The following NPAS3 variants were observed in gnomAD, a reference collection of about 807,000 sequenced individuals.
NPAS3 encodes the protein neuronal PAS domain-containing protein 3.
A neutral mutation model predicts 73.1 loss-of-function variants in NPAS3; 14 were observed. The observed-to-expected ratio is 0.19, with a 90% CI of 0.13 to 0.30. NPAS3 has a LOEUF of 0.30. Ranked by LOEUF, NPAS3 falls within the 10% of genes least tolerant of loss-of-function variation. The probability of loss-of-function intolerance (pLI) is 1.00; values close to 1 mark genes in which losing one functional copy is unlikely to be tolerated. For missense variants in NPAS3, 1,096 were observed against 1,250.0 expected (o/e 0.88, Z 1.86); for synonymous variants, 620 against 541.5 (o/e 1.14, Z -2.01).
At chr14:33,187,610 T>C (rs527796465) in intron 2 of NPAS3, among the ~76,000 whole-genome samples, 9 of 152,276 alleles carry the variant, frequency 5.9e-5, no homozygotes, top group Admixed American at 3.9e-4. Context: ...GACAGGTTGA[T>C]TGTTGAAGCC....
chr14:32,979,436 G>A (rs917299607), intron 1 of NPAS3, among the ~76,000 whole-genome samples: 2 of 152,086 alleles, frequency 1.3e-5, no homozygotes, highest in African/African-American at 2.4e-5. Flanking sequence ...ATCCTTTGTG[G>A]TAGGTAGCAG....
chr14:33,259,076 G>A (rs1326591796), intron 3 of NPAS3, among the ~76,000 whole-genome samples: 1 of 152,216 alleles, frequency 6.6e-6, no homozygotes, highest in East Asian at 1.9e-4. Context: ...GCCTTCCAAA[G>A]TGCTGGGATT....
At chr14:33,271,708 A>G (rs1293337222) in intron 3 of NPAS3, among the ~76,000 whole-genome samples, 2 of 152,172 alleles carry the variant, frequency 1.3e-5, no homozygotes, top group Non-Finnish European at 2.9e-5. Context: ...TTCCACACTT[A>G]CTAGAGCAGT....
chr14:33,004,438 T>C (rs1263984114), intron 1 of NPAS3, among the ~76,000 whole-genome samples: 1 of 152,000 alleles, frequency 6.6e-6, no homozygotes, highest in Non-Finnish European at 1.5e-5. Context: ...CCAGTAAAAA[T>C]ACAGAAAAAA....
chr14:33,425,420 G>A (rs1316524533), intron 4 of NPAS3, among the ~76,000 whole-genome samples: 1 of 151,860 alleles, frequency 6.6e-6, no homozygotes, highest in African/African-American at 2.4e-5. Flanking sequence ...AACTAGTGGT[G>A]GCTTTATTAA....
chr14:33,529,541 T>C (rs2145802), intron 4 of NPAS3, among the ~76,000 whole-genome samples: 149,771 of 152,228 alleles, frequency 0.98, 73,681 homozygotes, highest in East Asian at 1. Context: ...CACCATCCTA[T>C]ATTTGTAGTG....
chr14:32,938,525 A>AAG (rs2035799576), upstream of NPAS3, among the ~76,000 whole-genome samples: 1 of 66,244 alleles, frequency 1.5e-5, no homozygotes, highest in South Asian at 5.6e-4. Context: ...GAGAGAGAGA[A>AAG]GGGGGGGGAG....
At chr14:33,012,379 T>A (rs1173614740) in intron 1 of NPAS3, among the ~76,000 whole-genome samples, 1 of 152,212 alleles carries the variant, frequency 6.6e-6, no homozygotes, top group African/African-American at 2.4e-5. Flanking sequence ...CATGTATTGG[T>A]GGATGTAACC....
intron 4 of NPAS3, among the ~76,000 whole-genome samples, chr14:33,469,210 T>G (rs916508486): frequency 6.6e-6 from 1 of 152,068 alleles, no homozygotes; most frequent in Non-Finnish European, 1.5e-5. Flanking sequence ...AATAGTCTTG[T>G]TTGAGAATTA....
chr14:33,414,843 C>G (rs1293016400), intron 4 of NPAS3, among the ~76,000 whole-genome samples: 1 of 152,002 alleles, frequency 6.6e-6, no homozygotes, highest in East Asian at 1.9e-4. Context: ...ATCAGTAAAC[C>G]TTTAAACAAT....
At chr14:33,754,732 T>C (rs1364732029) in intron 7 of NPAS3, among the ~76,000 whole-genome samples, 1 of 146,518 alleles carries the variant, frequency 6.8e-6, no homozygotes, top group Non-Finnish European at 1.5e-5. Context: ...TTCAAGATTC[T>C]CTCTCTCTTC....
intron 4 of NPAS3, among the ~76,000 whole-genome samples, chr14:33,483,582 A>C (rs2051435067): frequency 6.6e-6 from 1 of 152,206 alleles, no homozygotes; most frequent in Non-Finnish European, 1.5e-5. Context: ...TTCACACAGC[A>C]GACAGTTACC....
chr14:33,396,472 C>G (rs2047227548), intron 4 of NPAS3, among the ~76,000 whole-genome samples: 1 of 152,112 alleles, frequency 6.6e-6, no homozygotes, highest in Non-Finnish European at 1.5e-5. Context: ...CATGGTAGAA[C>G]TATTGTTTGT....
intron 7 of NPAS3, among the ~76,000 whole-genome samples, chr14:33,737,248 A>G (rs1271124782): frequency 6.6e-6 from 1 of 152,146 alleles, no homozygotes; most frequent in Non-Finnish European, 1.5e-5. Flanking sequence ...CACGCTGAGG[A>G]GGCGGGATGT....
intron 5 of NPAS3, among the ~76,000 whole-genome samples, chr14:33,593,058 G>T (rs1422201259): frequency 1.3e-5 from 2 of 151,962 alleles, no homozygotes; most frequent in Non-Finnish European, 2.9e-5. Context: ...TATAGTAGTG[G>T]GCTTGGCACA....
intron 5 of NPAS3, among the ~76,000 whole-genome samples, chr14:33,673,036 T>G (rs929009428): frequency 2.0e-5 from 3 of 152,262 alleles, no homozygotes; most frequent in Non-Finnish European, 4.4e-5. Flanking sequence ...TACCTCTGTT[T>G]TGGTTTAGTA....
At chr14:33,335,360 A>C (rs2140292300) in intron 3 of NPAS3, among the ~76,000 whole-genome samples, 1 of 152,160 alleles carries the variant, frequency 6.6e-6, no homozygotes, top group African/African-American at 2.4e-5. Context: ...CCTGACTGAG[A>C]GTGTCTCTTG....
intron 3 of NPAS3, among the ~76,000 whole-genome samples, chr14:33,300,700 G>T (rs766807872): frequency 6.6e-6 from 1 of 152,140 alleles, no homozygotes; most frequent in African/African-American, 2.4e-5. Context: ...TCTGCATTGC[G>T]GGTGAGGGGT....
intron 6 of NPAS3, among the ~76,000 whole-genome samples, chr14:33,676,970 T>C (rs1293660813): frequency 1.3e-5 from 2 of 152,226 alleles, no homozygotes; most frequent in East Asian, 3.8e-4. Flanking sequence ...ACATTCCTCA[T>C]TGGGATTCCT....
Sources: gnomAD v4.1 joint callset for allele counts (sites outside exome capture counted in the v4.1 genomes callset) on GRCh38, gnomAD v4.1.1 for gene constraint, MANE v1.5 for transcripts, NCBI Gene and HGNC (gene_info 2026-07-23, HGNC 2026-07-21) for gene names.